The following RNF180 variants were observed in gnomAD, a reference collection of about 807,000 sequenced individuals.
RNF180 encodes E3 ubiquitin-protein ligase RNF180.
In RNF180, 38 loss-of-function variants were observed where a neutral mutation model predicts 59.2. That is an observed-to-expected ratio of 0.64 (90% CI 0.50 to 0.84). The LOEUF is 0.84. RNF180 is among the 40% of genes least tolerant of loss of function. RNF180 has a pLI of 0.00. For synonymous variants in RNF180, 262 were observed against 240.3 expected (o/e 1.09, Z -0.84); for missense variants, 705 against 700.9 (o/e 1.01, Z -0.07).
chr5:64,165,556 A>G (rs991838280), upstream of RNF180, among the ~76,000 whole-genome samples: 1 of 152,252 alleles, frequency 6.6e-6, no homozygotes, highest in Non-Finnish European at 1.5e-5. Context: ...AGTGAGGACA[A>G]GGGAGACCAC....
In RNF180 at chr5:64,200,908, G is replaced by A; in HGVS notation, c.101G>A (p.Cys34Tyr). ...KCRKCIASSG[C>Y]FMEYLENQVI... ...AGAAAATGTATAGCAAGCTCTGGTTGTTTTATGGAGTATCTTGAGAATCAA... is the reference window on the plus strand; with the variant it reads ...AGAAAATGTATAGCAAGCTCTGGTTATTTTATGGAGTATCTTGAGAATCAA... The change falls in exon 2 of 8, where the codon TGT becomes TAT. Residue 34 changes from cysteine (C) to tyrosine (Y), a missense_variant. By Grantham distance (194) the Cys-to-Tyr change is radical (BLOSUM62 -2). Transcript: ENST00000389100. 6.2e-7 allele frequency: 1 copy of A among 1,613,728 alleles called. No individual in the cohort carries two copies.
intron 5 of RNF180, among the ~76,000 whole-genome samples, chr5:64,295,229 C>T (rs912062219): frequency 1.3e-5 from 2 of 152,158 alleles, no homozygotes; most frequent in African/African-American, 4.8e-5. Flanking sequence ...TCTGGCCTAG[C>T]AACCACCTCA....
At chr5:64,310,622 A>C (rs985549837) in intron 5 of RNF180, among the ~76,000 whole-genome samples, 1 of 151,532 alleles carries the variant, frequency 6.6e-6, no homozygotes, top group African/African-American at 2.4e-5. Flanking sequence ...GTTTTTTGTG[A>C]CAAATTTTTA....
intron 1 of RNF180, among the ~76,000 whole-genome samples, chr5:64,173,064 T>C (rs920086061): frequency 9.9e-5 from 15 of 152,236 alleles, no homozygotes; most frequent in Non-Finnish European, 4.4e-5. Flanking sequence ...TGTTAGATTT[T>C]TGTCCCTAGT....
rs968092312 is a variant in RNF180, at chr5:64,371,235, G to C, written c.*1421G>C. The C allele has an allele frequency of 4.0e-5, 6 of 151,416 alleles. No homozygotes were observed. The highest frequency in any genetic ancestry group is 8.9e-5 in the Non-Finnish European group (6 of 67,634). The allele number at this position is 151,416 out of a possible 1,614,324, so 9.4% of individuals were successfully genotyped here. On this transcript the variant is annotated 3_prime_UTR_variant, in exon 8 of 8. Transcript: ENST00000389100. The stretch of plus-strand genomic sequence containing the variant: ...TCAAATCCAGAAATCAGAACACTAA[G>C]TACAATTTAGAAACACAGATAAATT...
intron 7 of RNF180, among the ~76,000 whole-genome samples, chr5:64,332,883 A>T (rs1425732746): frequency 2.6e-5 from 4 of 152,148 alleles, no homozygotes; most frequent in Admixed American, 6.5e-5. Context: ...GCTACTACCT[A>T]CACCAAAAGG....
At chr5:64,287,481 C>T (rs1029093946) in intron 5 of RNF180, among the ~76,000 whole-genome samples, 2 of 152,164 alleles carry the variant, frequency 1.3e-5, no homozygotes, top group African/African-American at 4.8e-5. Context: ...TCCGGGAACA[C>T]AGATGTCCTC....
At chr5:64,237,593 T>C (rs2112223375) in intron 5 of RNF180, among the ~76,000 whole-genome samples, 1 of 152,182 alleles carries the variant, frequency 6.6e-6, no homozygotes, top group East Asian at 1.9e-4. Context: ...GGTTTTGAAA[T>C]GTGAAAGGGA....
intron 1 of RNF180, among the ~76,000 whole-genome samples, chr5:64,178,810 T>G (rs1750403521): frequency 6.6e-6 from 1 of 152,234 alleles, no homozygotes; most frequent in South Asian, 2.1e-4. Flanking sequence ...ATATTTTTTC[T>G]AAATCAATCA....
At chr5:64,367,603 G>A (rs1435371506) in intron 7 of RNF180, among the ~76,000 whole-genome samples, 2 of 151,488 alleles carry the variant, frequency 1.3e-5, no homozygotes, top group Non-Finnish European at 3.0e-5. Flanking sequence ...ATAAAAAATA[G>A]GATAGTTCTT....
chr5:64,313,149 A>G (rs924782432), intron 5 of RNF180, among the ~76,000 whole-genome samples: 1 of 152,078 alleles, frequency 6.6e-6, no homozygotes, highest in South Asian at 2.1e-4. Flanking sequence ...AGGTAATTTT[A>G]TTTTTAACAT....
chr5:64,330,205 C>T (rs1294425699), intron 6 of RNF180, 76 bp from the exon 7 acceptor site: 2 of 938,002 alleles, frequency 2.1e-6, no homozygotes, highest in African/African-American at 1.7e-5. Context: ...CAAAATACTA[C>T]AGTATTCACT....
At chr5:64,350,089 C>G (rs1448787044) in intron 7 of RNF180, among the ~76,000 whole-genome samples, 2 of 152,142 alleles carry the variant, frequency 1.3e-5, no homozygotes, top group Non-Finnish European at 2.9e-5. Context: ...TGTTTCCTGA[C>G]TTTTTAATGA....
At chr5:64,358,423 AC>A (rs1396943171) in intron 7 of RNF180, among the ~76,000 whole-genome samples, 2 of 151,850 alleles carry the variant, frequency 1.3e-5, no homozygotes. Context: ...CTTTAAGGGA[AC>A]AGTTATGAAA....
chr5:64,333,646 G>GAGT (rs1303322603), intron 7 of RNF180, among the ~76,000 whole-genome samples: 7 of 151,882 alleles, frequency 4.6e-5, no homozygotes, highest in Non-Finnish European at 2.9e-5. Context: ...TAAAAGAATG[G>GAGT]AGTACCTTCT....
chr5:64,192,278 C>A (rs1053662252), intron 1 of RNF180, among the ~76,000 whole-genome samples: 2 of 151,566 alleles, frequency 1.3e-5, no homozygotes, highest in Non-Finnish European at 2.9e-5. Flanking sequence ...TTGTCTCACA[C>A]CTGTTAGGAT....
At chr5:64,272,976 G>C (rs138040662) in intron 5 of RNF180, among the ~76,000 whole-genome samples, 25 of 151,976 alleles carry the variant, frequency 1.6e-4, no homozygotes, top group African/African-American at 5.5e-4. Flanking sequence ...GTCAAGGCTG[G>C]AGTACTAAAT....
intron 5 of RNF180, among the ~76,000 whole-genome samples, chr5:64,232,600 G>C (rs1561206411): frequency 6.6e-6 from 1 of 152,156 alleles, no homozygotes. Flanking sequence ...TCTGTCAAAA[G>C]TCATAAGATT....
chr5:64,316,155 T>C (rs912928515), intron 5 of RNF180, among the ~76,000 whole-genome samples: 2 of 152,182 alleles, frequency 1.3e-5, no homozygotes, highest in Non-Finnish European at 2.9e-5. Flanking sequence ...TCTGAACTTA[T>C]AGCCTCAGCC....
Sources: allele counts gnomAD v4.1 joint callset (sites outside exome capture counted in the v4.1 genomes callset), GRCh38; gene constraint gnomAD v4.1.1; transcripts MANE v1.5; gene names NCBI Gene and HGNC (gene_info 2026-07-23, HGNC 2026-07-21).